UGT1A9: variants seen among roughly 807,000 people sequenced by gnomAD.
The protein encoded by UGT1A9 is UDP glucuronosyltransferase family 1 member A9, also known as UDP-glucuronosyltransferase 1A9.
A neutral mutation model predicts 45.0 loss-of-function variants in UGT1A9; 35 were observed. That is an observed-to-expected ratio of 0.78 (90% CI 0.59 to 1.03). UGT1A9 has a LOEUF of 1.03. Ranked by LOEUF, UGT1A9 falls within the 50% of genes least tolerant of loss-of-function variation. UGT1A9 has a pLI of 0.00. For missense variants in UGT1A9, 687 were observed against 666.6 expected, an observed-to-expected ratio of 1.03 and a Z score of -0.34; for synonymous variants, 278 against 250.6, an observed-to-expected ratio of 1.11 and a Z score of -1.03.
At chr2:233,675,829 C>A (rs2074337151) in intron 1 of UGT1A9, among the ~76,000 whole-genome samples, 1 of 152,108 alleles carries the variant, frequency 6.6e-6, no homozygotes, top group Admixed American at 6.5e-5. Flanking sequence ...CATTCCATCA[C>A]TGAACAATTC....
chr2:233,682,548 A>G, intron 1 of UGT1A9: 1 of 1,613,924 alleles, frequency 6.2e-7, no homozygotes. Context: ...ATGACTTTCA[A>G]GGAGAGAGTA....
chr2:233,755,064 C>A, intron 1 of UGT1A9: 1 of 1,335,842 alleles, frequency 7.5e-7, no homozygotes, highest in African/African-American at 1.5e-5. Flanking sequence ...CCTCGCCTCG[C>A]CATAGCGGTC....
intron 1 of UGT1A9, chr2:233,718,769 G>C: frequency 1.2e-6 from 2 of 1,612,822 alleles, no homozygotes; most frequent in African/African-American, 1.3e-5. Context: ...GGAAACAAAT[G>C]TAGCAGGCAC....
At chr2:233,768,516 G>T in intron 4 of UGT1A9, 77 bp downstream of exon 4, 22 of 1,549,322 alleles carry the variant, frequency 1.4e-5, no homozygotes, top group Non-Finnish European at 1.9e-5. Context: ...AAACATTTAC[G>T]TAGCATTTAA....
At position 233,731,167 on chromosome 2, in the gene UGT1A9, AT is replaced by A. The variant is rs1179116589; in HGVS notation, c.856-35860del. On this transcript the variant is annotated intron_variant, in intron 1 of 4. Transcript: ENST00000354728. ...TTTTTCTTTTTGATCAAACGACATG[AT>A]TTTTTTATGCAATGTAATTATTCAA... is the stretch of plus-strand genomic sequence containing the variant. 9.2e-5 allele frequency among the ~76,000 whole-genome samples: 14 copies of A among 151,914 alleles called. No homozygotes were observed. The East Asian group carries it at 1.4e-3, about 15-fold the overall frequency.
intron 1 of UGT1A9, chr2:233,718,803 T>G: frequency 6.2e-7 from 1 of 1,613,256 alleles, no homozygotes; most frequent in Non-Finnish European, 8.5e-7. Flanking sequence ...CAGTCAGCTG[T>G]CGGTGGCTTC....
Position 233,720,871 on chromosome 2 carries a change from ATT to A in UGT1A9, c.856-46145_856-46144del, listed in dbSNP as rs60621337. On this transcript the variant is annotated intron_variant, in intron 1 of 4. Transcript: ENST00000354728. ...CAGGCATGTGCCACTGCTCCTGGCAATTTTTTTTTTTTTTTTTTTAGTAGAGA... is the reference window on the plus strand; with the variant it reads ...CAGGCATGTGCCACTGCTCCTGGCAATTTTTTTTTTTTTTTTTAGTAGAGA... Among the ~76,000 whole-genome samples, 774 of 132,742 alleles carry A rather than the reference ATT, an allele frequency of 5.8e-3. 4 individuals are homozygous for A. Among genetic ancestry groups the A allele is most frequent in the African/African-American group, 0.021 (722 of 34,968 alleles). The allele number at this position is 132,742 out of a possible 152,430, so 87.1% of individuals were successfully genotyped here.
chr2:233,732,322 T>C (rs1402745036), intron 1 of UGT1A9, among the ~76,000 whole-genome samples: 3 of 152,262 alleles, frequency 2.0e-5, no homozygotes, highest in Non-Finnish European at 4.4e-5. Context: ...ATTTTGGCTT[T>C]TGTTGCCATT....
intron 1 of UGT1A9, among the ~76,000 whole-genome samples, chr2:233,722,376 A>C (rs969132963): frequency 2.1e-4 from 32 of 152,346 alleles, no homozygotes; most frequent in African/African-American, 7.5e-4. Context: ...TTGAAATCTT[A>C]CGTTTCTTCT....
chr2:233,717,187 C>T (rs922401746), intron 1 of UGT1A9, among the ~76,000 whole-genome samples: 12 of 152,214 alleles, frequency 7.9e-5, no homozygotes, highest in Admixed American at 2.6e-4. Flanking sequence ...AGCACCCTCC[C>T]AGGCATGTTC....
At chr2:233,755,197 T>C in intron 1 of UGT1A9, 1 of 1,117,644 alleles carries the variant, frequency 8.9e-7, no homozygotes, top group Non-Finnish European at 1.3e-6. Context: ...AGCGCCAGCT[T>C]GCGGTACGCC....
chr2:233,713,475 G>A, intron 1 of UGT1A9: 1 of 1,614,044 alleles, frequency 6.2e-7, no homozygotes, highest in Non-Finnish European at 8.5e-7. Flanking sequence ...GGCGGTGCTG[G>A]CTAAGTACCT....
chr2:233,755,027 C>A (rs759197919), intron 1 of UGT1A9: 14 of 1,309,218 alleles, frequency 1.1e-5, no homozygotes, highest in Non-Finnish European at 1.4e-5. Flanking sequence ...CCTTGAAGGG[C>A]CTGCCGCCTG....
chr2:233,747,015 G>A lies in UGT1A9; in HGVS notation c.856-20019G>A, dbSNP rs911515983. 7.2e-5 allele frequency among the ~76,000 whole-genome samples: 11 copies of A among 151,822 alleles called. 1 individual carries two copies. The highest frequency in any genetic ancestry group is 2.2e-4 in the African/African-American group (9 of 41,118). Reference sequence around the variant, plus strand: ...ATGAGTTTTTCAAGTAGGAGTGATCGGTCTTTCCCGAAGTGGGACCCATAA... The same window carrying A: ...ATGAGTTTTTCAAGTAGGAGTGATCAGTCTTTCCCGAAGTGGGACCCATAA... On this transcript the variant is annotated intron_variant, in intron 1 of 4. Coordinates refer to ENST00000354728, the MANE Select transcript of UGT1A9 (RefSeq NM_021027.3).
intron 1 of UGT1A9, chr2:233,753,221 C>G (rs1559397626): frequency 6.6e-6 from 1 of 152,156 alleles, no homozygotes; most frequent in East Asian, 1.9e-4. Context: ...TATTTTGATA[C>G]TTCTTGTATA....
chr2:233,760,272 C>A (rs2125981625), intron 1 of UGT1A9: 1 of 1,612,378 alleles, frequency 6.2e-7, no homozygotes, highest in Non-Finnish European at 8.5e-7. Context: ...GAACCTCTGG[C>A]AGGAGCAAAG....
At position 233,747,376 on chromosome 2, in the gene UGT1A9, G is replaced by A. The variant is rs1236630048; in HGVS notation, c.856-19658G>A. On this transcript the variant is annotated intron_variant, in intron 1 of 4. Transcript: ENST00000354728. The stretch of plus-strand genomic sequence containing the variant: ...GCCGTGCGGGAGCTCCATGCCAGAG[G>A]CCACCAGGCGGTGGTCCTCACCCCA... 3 of 1,604,666 alleles carry A rather than the reference G, an allele frequency of 1.9e-6. No individual in the cohort carries two copies. The African/African-American group carries it at 4.0e-5, about 22-fold the overall frequency.
chr2:233,763,806 G>A (rs1352583064), intron 1 of UGT1A9, among the ~76,000 whole-genome samples: 14 of 152,218 alleles, frequency 9.2e-5, no homozygotes, highest in Non-Finnish European at 1.8e-4. Context: ...TGAAACTCAA[G>A]AATTCCAAGA....
At chr2:233,760,223 T>G (rs1453955510) in intron 1 of UGT1A9, 1 of 1,589,146 alleles carries the variant, frequency 6.3e-7, no homozygotes, top group African/African-American at 1.5e-5. Flanking sequence ...GTGTATCGAT[T>G]GGTTTTTGCC....
Sources: allele counts gnomAD v4.1 joint callset (sites outside exome capture counted in the v4.1 genomes callset), GRCh38; gene constraint gnomAD v4.1.1; transcripts MANE v1.5; gene names NCBI Gene and HGNC (gene_info 2026-07-23, HGNC 2026-07-21).